PSMA1: variants seen among roughly 807,000 people sequenced by gnomAD.
PSMA1 encodes the protein proteasome subunit alpha type-1.
A neutral mutation model predicts 38.4 loss-of-function variants in PSMA1; 3 were observed. That is an observed-to-expected ratio of 0.08 (90% CI 0.04 to 0.20). The LOEUF is 0.20. Among genes scored for constraint, PSMA1 ranks in the 10% least tolerant of loss-of-function variants. PSMA1 has a pLI of 1.00. For synonymous variants in PSMA1, 101 were observed against 107.1 expected, an observed-to-expected ratio of 0.94 and a Z score of 0.35; for missense variants, 227 against 325.3, an observed-to-expected ratio of 0.70 and a Z score of 2.32.
At chr11:14,581,785 T>C (rs1852284336) in intron 2 of PSMA1, among the ~76,000 whole-genome samples, 1 of 152,212 alleles carries the variant, frequency 6.6e-6, no homozygotes. Flanking sequence ...TATTAAGACT[T>C]GGCTTCTTTA....
In PSMA1 at chr11:14,642,953, A is replaced by C. The variant is rs972785339; in HGVS notation, c.-166+502T>G. Among the ~76,000 whole-genome samples, 2 of 152,060 alleles carry C rather than the reference A, an allele frequency of 1.3e-5. 1 individual carries two copies. ...TGCTGTTACAGTGAAAAAGCCTTCA[A>C]TTTGCAAAGACCAATTGCGACAGCA... On this transcript the variant is annotated intron_variant, in intron 1 of 10. Coordinates refer to the PSMA1 transcript ENST00000418988.
At chr11:14,564,828 G>T (rs1451370052) in intron 2 of PSMA1, among the ~76,000 whole-genome samples, 14 of 151,182 alleles carry the variant, frequency 9.3e-5, no homozygotes, top group African/African-American at 3.4e-4. Context: ...GCCCAGGCTG[G>T]AATGTGGTGG....
intron 2 of PSMA1, among the ~76,000 whole-genome samples, chr11:14,535,929 C>T (rs984126370): frequency 6.6e-6 from 1 of 152,050 alleles, no homozygotes; most frequent in African/African-American, 2.4e-5. Flanking sequence ...TATCCTGATC[C>T]AAATCCCCAA....
At chr11:14,633,150 C>G (rs1163679668) in intron 1 of PSMA1, among the ~76,000 whole-genome samples, 2 of 152,206 alleles carry the variant, frequency 1.3e-5, no homozygotes, top group African/African-American at 4.8e-5. Context: ...CAAAGTCATT[C>G]TCCATCCAGC....
At chr11:14,579,658 G>T (rs1385769115) in intron 2 of PSMA1, among the ~76,000 whole-genome samples, 1 of 151,958 alleles carries the variant, frequency 6.6e-6, no homozygotes, top group Non-Finnish European at 1.5e-5. Flanking sequence ...ATTGAGAGGA[G>T]TATGTCTTGA....
chr11:14,643,230 A>T (rs1471911270), intron 1 of PSMA1, among the ~76,000 whole-genome samples: 2 of 151,816 alleles, frequency 1.3e-5, no homozygotes, highest in Non-Finnish European at 1.5e-5. Context: ...ATCTAGCCAC[A>T]GCGATTAGGG....
At chr11:14,565,579 T>C (rs757451890) in intron 2 of PSMA1, among the ~76,000 whole-genome samples, 10 of 152,242 alleles carry the variant, frequency 6.6e-5, no homozygotes, top group Non-Finnish European at 1.2e-4. Flanking sequence ...GTATCTGCTA[T>C]GTTTATAGCT....
chr11:14,563,028 C>G (rs960195892), intron 2 of PSMA1, among the ~76,000 whole-genome samples: 1 of 152,108 alleles, frequency 6.6e-6, no homozygotes, highest in African/African-American at 2.4e-5. Flanking sequence ...GATGGCTATG[C>G]ATCCAGTCTG....
intron 2 of PSMA1, among the ~76,000 whole-genome samples, chr11:14,584,149 A>G (rs1426427307): frequency 6.6e-6 from 1 of 152,242 alleles, no homozygotes; most frequent in Non-Finnish European, 1.5e-5. Context: ...ATAAGGGAGA[A>G]AGGAAAATCA....
intron 2 of PSMA1, among the ~76,000 whole-genome samples, chr11:14,591,974 G>A (rs1459263501): frequency 6.6e-6 from 1 of 152,052 alleles, no homozygotes; most frequent in African/African-American, 2.4e-5. Flanking sequence ...CACTCACTGC[G>A]AAGATCTGCA....
chr11:14,505,214 G>A lies in PSMA1; in HGVS notation c.770C>T (p.Ala257Val), dbSNP rs1565030027. Residue 257 changes from alanine to valine, a missense_variant, in exon 10 of 10, where the codon GCT becomes GTT. Transcript: ENST00000396394. Reference sequence around the variant, plus strand: ...CACTTAATGTTCCATTGGTTCATCAGCCTTTTCTGCAGGTTCATCAGCAGG... The same window carrying A: ...CACTTAATGTTCCATTGGTTCATCAACCTTTTCTGCAGGTTCATCAGCAGG... ...AQPADEPAEK[A>V]DEPMEH 5 of 1,613,718 alleles carry A rather than the reference G, an allele frequency of 3.1e-6. No homozygotes were observed. The highest frequency in any genetic ancestry group is 4.2e-6 in the Non-Finnish European group (5 of 1,179,758).
intron 2 of PSMA1, among the ~76,000 whole-genome samples, chr11:14,568,901 A>T (rs971185333): frequency 1.3e-5 from 2 of 152,150 alleles, no homozygotes; most frequent in Non-Finnish European, 2.9e-5. Context: ...CTGGAGCTGA[A>T]GCAGCTGAGA....
intron 2 of PSMA1, among the ~76,000 whole-genome samples, chr11:14,606,854 C>G (rs1417309244): frequency 6.6e-6 from 1 of 152,136 alleles, no homozygotes; most frequent in African/African-American, 2.4e-5. Flanking sequence ...CACAATATCA[C>G]CTGATAAGCT....
At chr11:14,551,677 C>G (rs935041346) in intron 2 of PSMA1, among the ~76,000 whole-genome samples, 3 of 152,166 alleles carry the variant, frequency 2.0e-5, no homozygotes, top group African/African-American at 7.2e-5. Flanking sequence ...GGGATTAATA[C>G]ATCAGACTCT....
At chr11:14,600,199 G>A (rs901343286) in intron 2 of PSMA1, among the ~76,000 whole-genome samples, 20 of 152,190 alleles carry the variant, frequency 1.3e-4, no homozygotes, top group Non-Finnish European at 2.9e-5. Context: ...TTACACGGAG[G>A]TTAGGGATCC....
At chr11:14,570,044 G>T (rs899927437) in intron 2 of PSMA1, among the ~76,000 whole-genome samples, 1 of 152,178 alleles carries the variant, frequency 6.6e-6, no homozygotes, top group African/African-American at 2.4e-5. Context: ...AACATTTGCT[G>T]TTCTGCAATA....
At chr11:14,521,317 A>G (rs1355510875), upstream of PSMA1, among the ~76,000 whole-genome samples, 1 of 84,680 alleles carries the variant, frequency 1.2e-5, no homozygotes, top group Non-Finnish European at 2.4e-5. Context: ...TAAGAATAAG[A>G]ATAAGAATAA....
intron 1 of PSMA1, among the ~76,000 whole-genome samples, chr11:14,633,740 A>G (rs1410234583): frequency 6.6e-6 from 1 of 151,972 alleles, no homozygotes; most frequent in East Asian, 1.9e-4. Flanking sequence ...CCCCAGCCTA[A>G]CTGCCGCCTT....
intron 2 of PSMA1, among the ~76,000 whole-genome samples, chr11:14,598,139 T>C (rs1819423036): frequency 6.6e-6 from 1 of 152,222 alleles, no homozygotes; most frequent in Non-Finnish European, 1.5e-5. Flanking sequence ...TCTGTTCTTT[T>C]ACATTTGCTG....
Sources: allele counts gnomAD v4.1 joint callset (sites outside exome capture counted in the v4.1 genomes callset), GRCh38; gene constraint gnomAD v4.1.1; transcripts MANE v1.5; gene names NCBI Gene and HGNC (gene_info 2026-07-23, HGNC 2026-07-21).